RBM19: variants seen among roughly 807,000 people sequenced by gnomAD.
RBM19 encodes probable RNA-binding protein 19.
RBM19 carries 94 observed loss-of-function variants against 116.8 expected under a neutral mutation model. That is an observed-to-expected ratio of 0.80 (90% CI 0.68 to 0.95). The LOEUF (loss-of-function observed/expected upper bound fraction) is 0.95, where lower values mean the gene tolerates loss of function less well. RBM19 is among the 40% of genes least tolerant of loss of function. The pLI is 0.00. For synonymous variants in RBM19, 475 were observed against 494.1 expected (o/e 0.96, Z 0.51); for missense variants, 1,161 against 1,220.7 (o/e 0.95, Z 0.73).
intron 21 of RBM19, among the ~76,000 whole-genome samples, chr12:113,891,719 T>C (rs1004939635): frequency 3.9e-5 from 6 of 152,240 alleles, no homozygotes; most frequent in African/African-American, 1.4e-4. Context: ...CTCTGCTATA[T>C]TAACAGAAGC....
intron 21 of RBM19, among the ~76,000 whole-genome samples, chr12:113,895,427 C>T (rs1176757162): frequency 6.6e-6 from 1 of 152,152 alleles, no homozygotes; most frequent in Non-Finnish European, 1.5e-5. Context: ...GCTGCCTGGC[C>T]TCCTGAGAGT....
intron 20 of RBM19, among the ~76,000 whole-genome samples, chr12:113,916,802 T>A (rs1458564924): frequency 2.0e-5 from 3 of 152,238 alleles, no homozygotes; most frequent in Non-Finnish European, 4.4e-5. Flanking sequence ...AGATGACTGC[T>A]GCCCTAGCCG....
chr12:113,818,376 T>G (rs1488665837), downstream of RBM19, among the ~76,000 whole-genome samples: 1 of 152,192 alleles, frequency 6.6e-6, no homozygotes, highest in Non-Finnish European at 1.5e-5. Flanking sequence ...AGGTGCTGGT[T>G]TGCCTACTGG....
intron 1 of RBM19, among the ~76,000 whole-genome samples, chr12:113,965,286 AAAAAAACAAAAAAAG>A (rs1222644251): frequency 1.4e-5 from 2 of 147,904 alleles, no homozygotes; most frequent in African/African-American, 5.0e-5. Context: ...CGTTTAAAAA[AAAAAAACAAAAAAAG>A]AAAAAAACAA....
intron 23 of RBM19, among the ~76,000 whole-genome samples, chr12:113,842,157 A>G (rs1269559380): frequency 1.3e-5 from 2 of 152,186 alleles, no homozygotes; most frequent in African/African-American, 2.4e-5. Flanking sequence ...ATCCCACAGA[A>G]ATGCTGCCAG....
In RBM19 at chr12:113,952,497, C is replaced by A. The variant is rs774328680; in HGVS notation, c.1000+15G>T. 1 of 1,607,168 alleles carries A rather than the reference C, an allele frequency of 6.2e-7. No individual in the cohort carries two copies. The highest frequency in any genetic ancestry group is 8.5e-7 in the Non-Finnish European group (1 of 1,174,358). On this transcript the variant is annotated intron_variant, in intron 8 of 23. Transcript: ENST00000261741. ...GTCTACCCGCCTTCCCACCTGGAAA[C>A]ATCCTGGATCTTACCTGTTTTATTC...
In RBM19 at chr12:113,924,482, C is replaced by T. The variant is rs551535889; in HGVS notation, c.2305+215G>A. ...AGGCTCTAGGTTCAGAAGGATCTGA[C>T]CCAAGAGGCTGCTTCGACTGGAAAG... is the stretch of plus-strand genomic sequence containing the variant. On this transcript the variant is annotated intron_variant, in intron 18 of 23. Transcript: ENST00000261741. Among the ~76,000 whole-genome samples, 7 of 152,248 alleles carry T rather than the reference C, an allele frequency of 4.6e-5. No individual in the cohort carries two copies. The South Asian group carries it at 1.0e-3, about 23-fold the overall frequency.
chr12:113,946,204 T>C, intron 12 of RBM19, 150 bp downstream of exon 12: 2 of 1,078,336 alleles, frequency 1.9e-6, no homozygotes, highest in Non-Finnish European at 1.3e-6. Context: ...CTACTATTAT[T>C]CTCCCATTTT....
intron 20 of RBM19, among the ~76,000 whole-genome samples, chr12:113,915,763 T>C (rs1205680796): frequency 6.6e-6 from 1 of 152,228 alleles, no homozygotes; most frequent in Non-Finnish European, 1.5e-5. Context: ...GGTGTAATGA[T>C]AGGCCCACCT....
At chr12:113,934,065 C>A (rs1321893474) in intron 16 of RBM19, among the ~76,000 whole-genome samples, 1 of 152,230 alleles carries the variant, frequency 6.6e-6, no homozygotes, top group Admixed American at 6.5e-5. Flanking sequence ...GATCCTCCAA[C>A]CTCAGCCTCC....
intron 22 of RBM19, among the ~76,000 whole-genome samples, chr12:113,852,360 T>C (rs772313437): frequency 4.6e-5 from 7 of 152,238 alleles, no homozygotes; most frequent in Non-Finnish European, 1.0e-4. Context: ...ACATGTGTGC[T>C]GGCTGAGCCT....
intron 21 of RBM19, among the ~76,000 whole-genome samples, chr12:113,888,187 C>CT (rs925084663): frequency 1.3e-5 from 2 of 152,220 alleles, no homozygotes; most frequent in Non-Finnish European, 2.9e-5. Flanking sequence ...TCAGGGGCCT[C>CT]TGCCAGCATG....
At chr12:113,848,804 C>T (rs924983686) in intron 22 of RBM19, among the ~76,000 whole-genome samples, 1 of 152,200 alleles carries the variant, frequency 6.6e-6, no homozygotes, top group African/African-American at 2.4e-5. Context: ...AGCCCCTGGG[C>T]TTGTTCATCT....
intron 16 of RBM19, among the ~76,000 whole-genome samples, chr12:113,934,995 A>G (rs1869923237): frequency 6.6e-6 from 1 of 152,144 alleles, no homozygotes; most frequent in South Asian, 2.1e-4. Flanking sequence ...AGTGAAGGAG[A>G]CAGCCCCATT....
chr12:113,931,541 C>T (rs1869601203), intron 16 of RBM19, among the ~76,000 whole-genome samples: 1 of 152,202 alleles, frequency 6.6e-6, no homozygotes, highest in South Asian at 2.1e-4. Context: ...ACCTGGACAA[C>T]TGAAGAGACT....
chr12:113,909,029 GGGACTGCA>G, intron 21 of RBM19, among the ~76,000 whole-genome samples: 1 of 152,288 alleles, frequency 6.6e-6, no homozygotes, highest in Admixed American at 6.5e-5. Context: ...CAATGGTAAC[GGGACTGCA>G]GGACCGCAGG....
rs1472907062 is a variant in RBM19 at position 113,966,320 on chromosome 12, C to G, written c.-93G>C. The G allele has an allele frequency of 1.3e-6, 2 of 1,516,700 alleles. No individual in the cohort carries two copies. Among genetic ancestry groups the G allele is most frequent in the Non-Finnish European group, 1.8e-6 (2 of 1,092,892 alleles). The allele number at this position is 1,516,700 out of a possible 1,614,324, so 94.0% of individuals were successfully genotyped here. A position where few individuals can be genotyped will look rare whatever the true frequency, so the allele number is the denominator to read the frequency against. ...CCGCCCTGGGCGCCGCCATCTTTAC[C>G]GAGCCGGAACACAGTCACGTGGCTG... On this transcript the variant is annotated 5_prime_UTR_variant, in exon 1 of 24. Transcript: ENST00000261741.
intron 23 of RBM19, among the ~76,000 whole-genome samples, chr12:113,839,305 C>T (rs1430509392): frequency 1.1e-4 from 16 of 152,230 alleles, no homozygotes; most frequent in Admixed American, 9.8e-4. Context: ...CAGGCCTATT[C>T]TGAACATTTG....
At chr12:113,871,844 C>T (rs963671280) in intron 21 of RBM19, among the ~76,000 whole-genome samples, 3 of 152,094 alleles carry the variant, frequency 2.0e-5, no homozygotes, top group Admixed American at 1.3e-4. Context: ...CGGGAGGCAG[C>T]GGCTGGAGGA....
Sources: allele counts gnomAD v4.1 joint callset (sites outside exome capture counted in the v4.1 genomes callset), GRCh38; gene constraint gnomAD v4.1.1; transcripts MANE v1.5; gene names NCBI Gene and HGNC (gene_info 2026-07-23, HGNC 2026-07-21).